The following CRPPA variants were observed in gnomAD, a reference collection of about 807,000 sequenced individuals.
The protein encoded by CRPPA is CDP-L-ribitol pyrophosphorylase A, also known as D-ribitol-5-phosphate cytidylyltransferase.
In CRPPA, 43 loss-of-function variants were observed where a neutral mutation model predicts 52.0. The ratio of observed to expected loss-of-function variants is 0.83; its 90% CI spans 0.65 to 1.07. The LOEUF (loss-of-function observed/expected upper bound fraction) is 1.07, where lower values mean the gene tolerates loss of function less well. Among genes scored for constraint, CRPPA ranks in the 50% least tolerant of loss-of-function variants. The pLI is 0.00. For missense variants in CRPPA, 629 were observed against 551.7 expected (o/e 1.14, Z -1.40); for synonymous variants, 250 against 203.5 (o/e 1.23, Z -1.94).
intron 8 of CRPPA, chr7:16,235,819 T>C (rs1243784303): frequency 6.6e-6 from 1 of 152,110 alleles, no homozygotes; most frequent in East Asian, 1.9e-4. Flanking sequence ...GCATTACTCA[T>C]GAACATTATG....
chr7:16,293,351 T>C (rs1452843194), intron 5 of CRPPA, among the ~76,000 whole-genome samples: 2 of 151,748 alleles, frequency 1.3e-5, no homozygotes, highest in Non-Finnish European at 2.9e-5. Context: ...GTTGTAACCA[T>C]TCAAAGTAAG....
At chr7:16,198,799 C>T (rs893315138) in intron 9 of CRPPA, among the ~76,000 whole-genome samples, 3 of 151,450 alleles carry the variant, frequency 2.0e-5, no homozygotes, top group African/African-American at 7.3e-5. Flanking sequence ...GCAATCCTTC[C>T]TGCCTCTGCC....
intron 5 of CRPPA, among the ~76,000 whole-genome samples, chr7:16,296,026 G>A (rs984714804): frequency 2.6e-5 from 4 of 151,942 alleles, no homozygotes; most frequent in African/African-American, 7.2e-5. Context: ...GGATTATGAC[G>A]AATACTTTTT....
chr7:16,376,320 T>C (rs1786884693), intron 2 of CRPPA, 79 bp from the exon 3 acceptor site: 2 of 1,390,816 alleles, frequency 1.4e-6, no homozygotes, highest in South Asian at 1.5e-5. Context: ...TATCTCACTT[T>C]TGACAGATCT....
intron 9 of CRPPA, among the ~76,000 whole-genome samples, chr7:16,108,907 A>G (rs1782206037): frequency 6.6e-6 from 1 of 151,890 alleles, no homozygotes; most frequent in Non-Finnish European, 1.5e-5. Context: ...ATTTTGCGAC[A>G]AATAGAAATG....
At chr7:16,102,112 T>C (rs1178673246) in intron 9 of CRPPA, among the ~76,000 whole-genome samples, 4 of 152,064 alleles carry the variant, frequency 2.6e-5, no homozygotes, top group Non-Finnish European at 5.9e-5. Flanking sequence ...AACAGATATA[T>C]AGACCAATGG....
intron 9 of CRPPA, among the ~76,000 whole-genome samples, chr7:16,092,603 T>C (rs533760193): frequency 6.6e-6 from 1 of 152,316 alleles, no homozygotes; most frequent in East Asian, 1.9e-4. Flanking sequence ...GCATAGCACC[T>C]TCTGTCCTCA....
intron 5 of CRPPA, among the ~76,000 whole-genome samples, chr7:16,295,932 T>C (rs1384203481): frequency 6.6e-6 from 1 of 152,154 alleles, no homozygotes; most frequent in Non-Finnish European, 1.5e-5. Context: ...TAGAAAATTG[T>C]TTTAAATTTC....
At chr7:16,382,013 T>G (rs1235604287) in intron 2 of CRPPA, among the ~76,000 whole-genome samples, 1 of 151,876 alleles carries the variant, frequency 6.6e-6, no homozygotes, top group Non-Finnish European at 1.5e-5. Flanking sequence ...TATTGTTATG[T>G]GTGAATTTGA....
At chr7:16,123,924 C>T (rs1782524714) in intron 9 of CRPPA, among the ~76,000 whole-genome samples, 1 of 152,004 alleles carries the variant, frequency 6.6e-6, no homozygotes, top group Non-Finnish European at 1.5e-5. Flanking sequence ...TTTTCAAAAC[C>T]CACTCAGACA....
chr7:16,146,753 G>A (rs1782982018), intron 9 of CRPPA, among the ~76,000 whole-genome samples: 3 of 151,460 alleles, frequency 2.0e-5, no homozygotes. Context: ...AAGATAAAAT[G>A]TATAATAGAC....
intron 3 of CRPPA, among the ~76,000 whole-genome samples, chr7:16,321,757 G>T (rs12699779): frequency 0.14 from 21,894 of 152,044 alleles, 1,995 homozygotes; most frequent in South Asian, 0.39. Context: ...GTATTCATAG[G>T]CAGTTAAAAA....
chr7:16,216,484 G>C (rs1268625782), intron 8 of CRPPA: 1 of 274,338 alleles, frequency 3.6e-6, no homozygotes, highest in African/African-American at 2.3e-5. Flanking sequence ...CTCCCAGCGT[G>C]AGCGACGCAG....
intron 5 of CRPPA, among the ~76,000 whole-genome samples, chr7:16,299,054 T>C (rs971340220): frequency 1.3e-5 from 2 of 152,232 alleles, no homozygotes; most frequent in Non-Finnish European, 2.9e-5. Flanking sequence ...AATAAATCTA[T>C]GTATGCATCT....
intron 9 of CRPPA, among the ~76,000 whole-genome samples, chr7:16,211,257 C>G (rs1289931876): frequency 6.6e-6 from 1 of 152,078 alleles, no homozygotes; most frequent in Non-Finnish European, 1.5e-5. Flanking sequence ...TTCAAAATTA[C>G]AAATTTTTGA....
At chr7:16,190,768 T>C (rs1262109677) in intron 9 of CRPPA, among the ~76,000 whole-genome samples, 1 of 152,096 alleles carries the variant, frequency 6.6e-6, no homozygotes, top group Non-Finnish European at 1.5e-5. Context: ...CTCATCTCTC[T>C]CCCACCCTTT....
Position 16,406,162 on chromosome 7 carries a change from T to C in CRPPA, c.433A>G (p.Lys145Glu). The C allele has an allele frequency of 6.2e-7, 1 of 1,614,006 alleles. No homozygotes were observed. The highest frequency in any genetic ancestry group is 1.3e-5 in the African/African-American group (1 of 75,042). The part of the protein sequence containing the change: ...KALAEDQINS[K>E]LSKPEVVIIH... ...ATCACTACTTCTGGCTTAGAGAGTT[T>C]AGAGTTGATCTGATCTTCTGCCAGT... The change falls in exon 2 of 10, where the codon AAA (lysine) becomes GAA (glutamate). Residue 145 changes from lysine to glutamate, a missense_variant. Transcript: ENST00000407010.
chr7:16,367,677 T>C (rs1156738533), intron 3 of CRPPA, among the ~76,000 whole-genome samples: 1 of 152,232 alleles, frequency 6.6e-6, no homozygotes, highest in Non-Finnish European at 1.5e-5. Flanking sequence ...TTCTAGCATG[T>C]GGGGTACAGG....
chr7:16,408,918 T>A (rs551501205), intron 1 of CRPPA, among the ~76,000 whole-genome samples: 1 of 152,286 alleles, frequency 6.6e-6, no homozygotes, highest in Non-Finnish European at 1.5e-5. Flanking sequence ...ATTTTATTTT[T>A]TGAGACAGAG....
Sources: allele counts gnomAD v4.1 joint callset (sites outside exome capture counted in the v4.1 genomes callset), GRCh38; gene constraint gnomAD v4.1.1; transcripts MANE v1.5; gene names NCBI Gene and HGNC (gene_info 2026-07-23, HGNC 2026-07-21).